IQSEC2: variants seen among roughly 807,000 people sequenced by gnomAD.
The protein encoded by IQSEC2 is IQ motif and Sec7 domain ArfGEF 2.
A neutral mutation model predicts 74.6 loss-of-function variants in IQSEC2; 6 were observed. The observed-to-expected ratio is 0.08, with a 90% CI of 0.04 to 0.16. The LOEUF is 0.16. Ranked by LOEUF, IQSEC2 falls within the 10% of genes least tolerant of loss-of-function variation. IQSEC2 has a pLI of 1.00. For missense variants in IQSEC2, 734 were observed against 1,306.2 expected (o/e 0.56, Z 6.75); for synonymous variants, 494 against 544.5 (o/e 0.91, Z 1.29).
rs782302245 is a variant in IQSEC2, at chrX:53,291,675, T to C, written c.737+220A>G. 2.4e-4 allele frequency among the ~76,000 whole-genome samples: 27 copies of C among 110,976 alleles called. No homozygotes were observed. The South Asian group carries it at 0.01, about 42-fold the overall frequency. ...AGCCAAGCTCCCAAGTCAACTAGTG[T>C]CAGAAAGACTAAGGAACAGTCTTGA... On this transcript the variant is annotated intron_variant, in intron 2 of 14. Transcript: ENST00000642864.
rs782074960 is a variant in IQSEC2 at position 53,251,128 on chromosome X, G to A, written c.1448C>T (p.Pro483Leu). The A allele has an allele frequency of 3.3e-6, 4 of 1,211,915 alleles. No individual in the cohort carries two copies. The highest frequency in any genetic ancestry group is 4.5e-6 in the Non-Finnish European group (4 of 895,514). ...ESIDEALNCH[P>L]SGPMSEEPGS... ...TGGCTCCTCAGACATGGGCCCTGAC[G>A]GGTGGCAGTTCAGGGCTTCGTCGAT... The change falls in exon 5 of 15, where the codon CCG becomes CTG. Residue 483 changes from proline to leucine, a missense_variant. By Grantham distance (98) the Pro-to-Leu change is moderately conservative. Coordinates refer to ENST00000642864, the MANE Select transcript of IQSEC2 (RefSeq NM_001111125.3).
At position 53,287,374 on chromosome X, in the gene IQSEC2, C is replaced by T. The variant is rs1356651647; in HGVS notation, c.737+4521G>A. Among the ~76,000 whole-genome samples the T allele has an allele frequency of 2.7e-5, 3 of 112,492 alleles. No individual in the cohort carries two copies. In the Admixed American group the frequency reaches 2.8e-4, roughly 11 times the overall value. On this transcript the variant is annotated intron_variant, in intron 2 of 14. Transcript: ENST00000642864. ...TTGTTCACCCAGAAGCTCCCTGGTT[C>T]CCTGACACTTGCAACCACAGCCACA...
At chrX:53,305,578 T>C (rs1455822767) in intron 1 of IQSEC2, among the ~76,000 whole-genome samples, 2 of 112,025 alleles carry the variant, frequency 1.8e-5, no homozygotes, top group Non-Finnish European at 3.8e-5. Flanking sequence ...ACAGTCTTCA[T>C]AACTGTTGTG....
chrX:53,281,700 G>A (rs868955850), intron 2 of IQSEC2: 1 of 496,178 alleles, frequency 2.0e-6, no homozygotes, highest in Middle Eastern at 5.8e-4. Flanking sequence ...TCCTCCAGGA[G>A]GGCTGGGAAC....
chrX:53,311,863 G>T (rs375711391), intron 1 of IQSEC2, among the ~76,000 whole-genome samples: 1 of 111,910 alleles, frequency 8.9e-6, no homozygotes, highest in East Asian at 2.8e-4. Context: ...AGGCTGCAGT[G>T]AGCTGAGATC....
intron 2 of IQSEC2, chrX:53,279,454 C>A: frequency 2.1e-6 from 1 of 485,371 alleles, no homozygotes. Context: ...ACTCGGACAC[C>A]CATTCCACAG....
intron 9 of IQSEC2, 74 bp downstream of exon 9, chrX:53,243,258 G>A (rs1463117550): frequency 2.2e-6 from 2 of 914,995 alleles, no homozygotes; most frequent in African/African-American, 3.9e-5. Context: ...GCTCAGGGAG[G>A]TGCAGTGACT....
rs1390760549 is a variant in IQSEC2, at chrX:53,240,414, C to T, written c.3016-1120G>A. On this transcript the variant is annotated intron_variant, in intron 10 of 14. Transcript: ENST00000642864. ...TGTCAACAGTGATGAGACTGAGAAA[C>T]CCTGCTCTAAAGGAGAGAAGACCAC... Among the ~76,000 whole-genome samples the T allele has an allele frequency of 2.7e-5, 3 of 112,379 alleles. No homozygotes were observed. The East Asian group carries it at 8.3e-4, about 31-fold the overall frequency.
chrX:53,293,422 G>A (rs1326133676), intron 1 of IQSEC2, among the ~76,000 whole-genome samples: 1 of 111,797 alleles, frequency 8.9e-6, no homozygotes, highest in African/African-American at 3.3e-5. Context: ...AGCCTTCTCA[G>A]CCCCCTGAAG....
chrX:53,258,547 T>G (rs1358655297), intron 2 of IQSEC2, among the ~76,000 whole-genome samples: 2 of 111,688 alleles, frequency 1.8e-5, no homozygotes, highest in Non-Finnish European at 3.8e-5. Context: ...CTGTGGCCAG[T>G]GAGAGCTTTC....
At chrX:53,287,926 T>G (rs1230265471) in intron 2 of IQSEC2, among the ~76,000 whole-genome samples, 1 of 112,126 alleles carries the variant, frequency 8.9e-6, no homozygotes, top group East Asian at 2.8e-4. Flanking sequence ...AATCCAGCTC[T>G]GACTCCTCTA....
intron 1 of IQSEC2, among the ~76,000 whole-genome samples, chrX:53,309,948 G>A (rs1236834429): frequency 3.6e-5 from 4 of 111,521 alleles, no homozygotes; most frequent in East Asian, 2.8e-4. Flanking sequence ...GCTTTGATTC[G>A]TTAAGTCATT....
chrX:53,235,706 G>T, intron 14 of IQSEC2, 77 bp downstream of exon 14: 1 of 1,045,526 alleles, frequency 9.6e-7, no homozygotes, highest in Non-Finnish European at 1.3e-6. Context: ...GGAGCAACAG[G>T]TCCCCTCCTC....
intron 13 of IQSEC2, 67 bp from the exon 14 acceptor site, chrX:53,235,899 A>T: frequency 9.5e-7 from 1 of 1,056,638 alleles, no homozygotes; most frequent in Non-Finnish European, 1.3e-6. Flanking sequence ...TGGGCTCCAG[A>T]GCTGGGCACC....
chrX:53,270,028 T>G (rs960887807), intron 2 of IQSEC2, among the ~76,000 whole-genome samples: 2 of 110,717 alleles, frequency 1.8e-5, no homozygotes, highest in Admixed American at 9.6e-5. Flanking sequence ...TCATTCCATT[T>G]CATAACTTCA....
intron 2 of IQSEC2, chrX:53,281,578 TCAC>T: frequency 1.8e-6 from 2 of 1,129,306 alleles, no homozygotes. Flanking sequence ...CTCCACCGTG[TCAC>T]CACCCCCTCC....
chrX:53,266,459 A>C, intron 2 of IQSEC2: 3 of 755,953 alleles, frequency 4.0e-6, no homozygotes, highest in Non-Finnish European at 4.7e-6. Flanking sequence ...GCCTTCAAGC[A>C]GTGGAGGAGA....
At chrX:53,261,975 T>C (rs1177649018) in intron 2 of IQSEC2, among the ~76,000 whole-genome samples, 1 of 111,852 alleles carries the variant, frequency 8.9e-6, no homozygotes, top group Non-Finnish European at 1.9e-5. Context: ...GAATTAGGAT[T>C]CCTATTTTGC....
chrX:53,274,751 G>A (rs185069672), intron 2 of IQSEC2, among the ~76,000 whole-genome samples: 12 of 110,845 alleles, frequency 1.1e-4, no homozygotes, highest in Non-Finnish European at 1.7e-4. Context: ...ATGAGCCACC[G>A]CACCCGGCCT....
Sources: gnomAD v4.1 joint callset for allele counts (sites outside exome capture counted in the v4.1 genomes callset) on GRCh38, gnomAD v4.1.1 for gene constraint, MANE v1.5 for transcripts, NCBI Gene and HGNC (gene_info 2026-07-23, HGNC 2026-07-21) for gene names.